The following HAS3 variants were observed in gnomAD, a reference collection of about 807,000 sequenced individuals.
The protein encoded by HAS3 is HA synthase 3.
In HAS3, 27 loss-of-function variants were observed where a neutral mutation model predicts 50.3. The observed-to-expected ratio is 0.54, with a 90% CI of 0.40 to 0.74. The LOEUF is 0.74. HAS3 is among the 30% of genes least tolerant of loss of function. The pLI is 0.00. For missense variants in HAS3, 517 were observed against 742.8 expected, an observed-to-expected ratio of 0.70 and a Z score of 3.53; for synonymous variants, 339 against 310.9, an observed-to-expected ratio of 1.09 and a Z score of -0.95.
Position 69,107,353 on chromosome 16 carries a change from T to C in HAS3, c.-1+1566T>C, listed in dbSNP as rs1960835977. 1 of 984,330 alleles carries C rather than the reference T, an allele frequency of 1.0e-6. No homozygotes were observed. Among genetic ancestry groups the C allele is most frequent in the Admixed American group, 6.2e-5 (1 of 16,258 alleles). The allele number at this position is 984,330 out of a possible 1,614,324, so 61.0% of individuals were successfully genotyped here. On this transcript the variant is annotated intron_variant, in intron 1 of 3. Coordinates refer to ENST00000569188, the MANE Select transcript of HAS3 (RefSeq NM_001199280.2). This position sits in a 1 kb window ranked among gnomAD's most constrained non-coding sequence, Gnocchi z 5.5. Reference sequence around the variant, plus strand: ...AGGAGAGGGCCGGCTACACCGGGGATGCGCCTTTGTCTACAGGCACACTTT... The same window carrying C: ...AGGAGAGGGCCGGCTACACCGGGGACGCGCCTTTGTCTACAGGCACACTTT...
Position 69,109,707 on chromosome 16 carries a change from C to A in HAS3, c.312C>A (p.Cys104Ter). Residue 104 changes from cysteine (C) to a stop codon, truncating the protein, a stop_gained, in exon 2 of 4, where the codon TGC (cysteine) becomes TGA (stop). Coordinates refer to ENST00000569188, the MANE Select transcript of HAS3 (RefSeq NM_001199280.2). LOFTEE classifies it high-confidence loss of function. This position sits in a 1 kb window ranked among gnomAD's most constrained non-coding sequence, Gnocchi z 5.3. The stretch of plus-strand genomic sequence containing the variant: ...AGGACCCTGACTACTTGCGCAAGTG[C>A]CTGCGCTCGGCCCAGCGCATCTCCT... The part of the protein sequence containing the change: ...YQEDPDYLRK[C>*]LRSAQRISFP... 6.2e-7 allele frequency: 1 copy of A among 1,610,652 alleles called. No homozygotes were observed. The highest frequency in any genetic ancestry group is 8.5e-7 in the Non-Finnish European group (1 of 1,179,902).
chr16:69,101,918 G>A (rs1441626702), upstream of HAS3, among the ~76,000 whole-genome samples: 1 of 152,012 alleles, frequency 6.6e-6, no homozygotes, highest in Non-Finnish European at 1.5e-5. Context: ...CCAAGTAGCT[G>A]GGATTACAGG....
chr16:69,113,589 T>C, intron 3 of HAS3, 47 bp downstream of exon 3: 2 of 1,125,288 alleles, frequency 1.8e-6, no homozygotes, highest in Non-Finnish European at 2.6e-6. Flanking sequence ...TGGACTCTTT[T>C]TCCTAATCCA....
chr16:69,098,288 G>A, the HAS3 span, among the ~76,000 whole-genome samples: 1 of 152,064 alleles, frequency 6.6e-6, no homozygotes, highest in East Asian at 1.9e-4. Context: ...GGAGAATGGC[G>A]TGAACCCGGG....
downstream of HAS3, chr16:69,118,683 C>CATCT: frequency 3.0e-6 from 2 of 670,664 alleles, no homozygotes; most frequent in Non-Finnish European, 5.4e-6. Flanking sequence ...CCACAAATAA[C>CATCT]ATCTCACCTT....
chr16:69,096,908 C>T, the HAS3 span, among the ~76,000 whole-genome samples: 6 of 152,066 alleles, frequency 3.9e-5, no homozygotes, highest in South Asian at 2.1e-4. Flanking sequence ...TGAGCCACTG[C>T]GCCCAGCCTA....
chr16:69,115,261 G>T lies in HAS3; in HGVS notation c.1657G>T (p.Val553Leu), dbSNP rs372206673. 1.3e-6 allele frequency: 2 copies of T among 1,518,092 alleles called. No homozygotes were observed. The highest frequency in any genetic ancestry group is 2.3e-5 in the East Asian group (1 of 44,062). 94.0% of individuals were successfully genotyped at this position (1,518,092 alleles called of 1,614,324 possible). ...GCAGTACAGCTTGGCTTTTGCTGAG[G>T]TGTGACATGGCCCCCAAGCAGAGCG... ...PEQYSLAFAE[V>L] The change falls in exon 4 of 4, where the codon GTG becomes TTG. Residue 553 changes from valine (V) to leucine (L), a missense_variant. Physicochemically the swap from Val to Leu is conservative, Grantham distance 32. Transcript: ENST00000569188.
In HAS3 at chr16:69,115,890, A is replaced by C; in HGVS notation, c.*624A>C. The C allele has an allele frequency of 1.0e-6, 1 of 985,868 alleles. No individual in the cohort carries two copies. The highest frequency in any genetic ancestry group is 4.7e-5 in the South Asian group (1 of 21,280). The allele number at this position is 985,868 out of a possible 1,614,324, so 61.1% of individuals were successfully genotyped here. A position where few individuals can be genotyped will look rare whatever the true frequency, so the allele number is the denominator to read the frequency against. On this transcript the variant is annotated 3_prime_UTR_variant, in exon 4 of 4. Transcript: ENST00000569188. ...CCAGGGATGAGCCAAACCAGCAGGG[A>C]GTTAGCACTGAACTGCTTTTAAAAG...
At chr16:69,105,970 C>T (rs1357290152) in intron 1 of HAS3, among the ~76,000 whole-genome samples, 183 bp downstream of exon 1, 1 of 152,248 alleles carries the variant, frequency 6.6e-6, no homozygotes, top group Admixed American at 6.5e-5. Context: ...GCCTTCGGCC[C>T]CACTCGGGGG....
At chr16:69,091,283 T>C in the HAS3 span, among the ~76,000 whole-genome samples, 4 of 152,220 alleles carry the variant, frequency 2.6e-5, no homozygotes, top group African/African-American at 9.7e-5. Context: ...TTTGTGATGA[T>C]GGCATGGCTT....
chr16:69,118,563 TAAGA>T, downstream of HAS3: 1 of 779,752 alleles, frequency 1.3e-6, no homozygotes, highest in Non-Finnish European at 2.3e-6. Flanking sequence ...AAGAAACTAG[TAAGA>T]AACAATGGGC....
downstream of HAS3, chr16:69,118,037 CAGTA>C (rs1169672107): frequency 1.3e-5 from 5 of 380,178 alleles, no homozygotes; most frequent in East Asian, 1.5e-4. Context: ...ATTAAAGAAA[CAGTA>C]AGAAAAGATA....
In HAS3 at chr16:69,109,654, GT is replaced by G; in HGVS notation, c.260del (p.Val87GlyfsTer152). 6.2e-7 allele frequency: 1 copy of G among 1,609,994 alleles called. No individual in the cohort carries two copies. Among genetic ancestry groups the G allele is most frequent in the Non-Finnish European group, 8.5e-7 (1 of 1,179,780 alleles). Reference sequence around the variant, plus strand: ...GCTGCCCTCCCCGCGGCGGGGCTCGGTGGCACTGTGCATTGCCGCATACCAG... The same window carrying G: ...GCTGCCCTCCCCGCGGCGGGGCTCGGGGCACTGTGCATTGCCGCATACCAG... ...LKLPSPRRGS[V>X]ALCIAAYQED... On this transcript the variant is annotated frameshift_variant, in exon 2 of 4. Coordinates refer to ENST00000569188, the MANE Select transcript of HAS3 (RefSeq NM_001199280.2). LOFTEE classifies it high-confidence loss of function. The surrounding 1 kb of genome is among the most constrained non-coding windows in gnomAD (Gnocchi z 5.3).
the HAS3 span, among the ~76,000 whole-genome samples, chr16:69,093,719 G>A: frequency 1.0e-3 from 158 of 151,676 alleles, 3 homozygotes; most frequent in South Asian, 0.026. Context: ...TAGTAGAGAC[G>A]GGGTTTCTCC....
At position 69,115,210 on chromosome 16, in the gene HAS3, G is replaced by A. The variant is rs1961141246; in HGVS notation, c.1606G>A (p.Ala536Thr). The A allele has an allele frequency of 3.2e-6, 5 of 1,549,634 alleles. No individual in the cohort carries two copies. The highest frequency in any genetic ancestry group is 1.3e-5 in the South Asian group (1 of 79,710). The change falls in exon 4 of 4, where the codon GCC (alanine) becomes ACC (threonine). Residue 536 changes from alanine to threonine, a missense_variant. Coordinates refer to ENST00000569188, the MANE Select transcript of HAS3 (RefSeq NM_001199280.2). ...ALLMLYLAII[A>T]RRCGKKPEQY... is the part of the protein sequence containing the mutation. ...CCTCATGCTATATCTGGCCATCATC[G>A]CCCGGCGATGTGGGAAGAAGCCGGA...
At chr16:69,099,713 C>T in the HAS3 span, among the ~76,000 whole-genome samples, 1 of 152,200 alleles carries the variant, frequency 6.6e-6, no homozygotes, top group Non-Finnish European at 1.5e-5. Flanking sequence ...CTTAACACTG[C>T]ATCGTAGGTG....
the HAS3 span, among the ~76,000 whole-genome samples, chr16:69,094,544 G>A: frequency 6.6e-6 from 1 of 152,288 alleles, no homozygotes; most frequent in East Asian, 1.9e-4. Flanking sequence ...TTTCTCTGTG[G>A]ACAAGACCAG....
At chr16:69,118,087 A>C, downstream of HAS3, 4 of 525,908 alleles carry the variant, frequency 7.6e-6, no homozygotes, top group Non-Finnish European at 6.9e-6. Context: ...CTTGCACACC[A>C]GGCCGAACAA....
chr16:69,112,222 CCAG>C (rs1243216097), intron 2 of HAS3, among the ~76,000 whole-genome samples: 2 of 152,180 alleles, frequency 1.3e-5, no homozygotes, highest in African/African-American at 4.8e-5. Context: ...AGCAGTGAGA[CCAG>C]CAGAACAGCA....
Sources: allele counts gnomAD v4.1 joint callset (sites outside exome capture counted in the v4.1 genomes callset), GRCh38; gene constraint gnomAD v4.1.1; non-coding constraint Gnocchi (gnomAD v3.1); transcripts MANE v1.5; gene names NCBI Gene and HGNC (gene_info 2026-07-23, HGNC 2026-07-21).